The following CCDC170 variants were observed in gnomAD, a reference collection of about 807,000 sequenced individuals.
CCDC170 encodes the protein coiled-coil domain-containing protein 170.
In CCDC170, 69 loss-of-function variants were observed where a neutral mutation model predicts 72.6. The observed-to-expected ratio is 0.95, with a 90% CI of 0.78 to 1.16. The LOEUF (loss-of-function observed/expected upper bound fraction) is 1.16, where lower values mean the gene tolerates loss of function less well. Ranked by LOEUF, CCDC170 falls within the 50% of genes most tolerant of loss-of-function variation. CCDC170 has a pLI of 0.00. For synonymous variants in CCDC170, 300 were observed against 303.9 expected (o/e 0.99, Z 0.13); for missense variants, 852 against 832.5 (o/e 1.02, Z -0.29).
chr6:151,618,006 T>A lies in CCDC170; in HGVS notation c.2007T>A (p.Ala669=), dbSNP rs1562302176. The part of the protein sequence containing the change: ...QMLGLNVTSL[A]LPDYEIIKCL... ...TAGGCTTGAACGTGACCAGCCTTGC[T>A]CTTCCTGATTATGAAATCATCAAGT... The change falls in exon 11 of 11, where the codon GCT becomes GCA. Residue 669 remains alanine (A), a synonymous_variant. Coordinates refer to ENST00000239374, the MANE Select transcript of CCDC170 (RefSeq NM_025059.4). 6.2e-7 allele frequency: 1 copy of A among 1,614,166 alleles called. No individual in the cohort carries two copies. Among genetic ancestry groups the A allele is most frequent in the Admixed American group, 1.7e-5 (1 of 60,030 alleles).
chr6:151,613,473 C>T (rs1358042296), intron 9 of CCDC170, among the ~76,000 whole-genome samples: 1 of 152,180 alleles, frequency 6.6e-6, no homozygotes, highest in African/African-American at 2.4e-5. Flanking sequence ...TATCATATTT[C>T]AAAACATTTT....
At chr6:151,572,381 T>C (rs1485430189) in intron 5 of CCDC170, among the ~76,000 whole-genome samples, 1 of 152,194 alleles carries the variant, frequency 6.6e-6, no homozygotes, top group Non-Finnish European at 1.5e-5. Context: ...CAAAATAGCA[T>C]TGAGGGGGCA....
chr6:151,499,754 A>G (rs1019610823), intron 1 of CCDC170, among the ~76,000 whole-genome samples: 2 of 149,354 alleles, frequency 1.3e-5, no homozygotes, highest in Non-Finnish European at 3.0e-5. Flanking sequence ...ACGTTTCTTC[A>G]TGATGTAACA....
chr6:151,598,909 G>A (rs1183144361), intron 9 of CCDC170, among the ~76,000 whole-genome samples: 3 of 152,120 alleles, frequency 2.0e-5, no homozygotes, highest in Non-Finnish European at 4.4e-5. Context: ...TAGGATGTGC[G>A]GGTGTTCATC....
At chr6:151,570,016 T>C (rs1776196364) in intron 5 of CCDC170, among the ~76,000 whole-genome samples, 1 of 152,178 alleles carries the variant, frequency 6.6e-6, no homozygotes, top group Non-Finnish European at 1.5e-5. Context: ...AAGAAAACGT[T>C]CTTTGGATTT....
intron 7 of CCDC170, among the ~76,000 whole-genome samples, chr6:151,591,699 G>T (rs1177663666): frequency 6.6e-6 from 1 of 152,024 alleles, no homozygotes; most frequent in Non-Finnish European, 1.5e-5. Context: ...GTTTCACTGT[G>T]TTAGCCAGCA....
Position 151,593,123 on chromosome 6 carries a change from A to T in CCDC170, c.1310A>T (p.Asp437Val), listed in dbSNP as rs540832159. The T allele has an allele frequency of 8.1e-6, 13 of 1,613,964 alleles. No individual in the cohort carries two copies. The highest frequency in any genetic ancestry group is 1.7e-5 in the Admixed American group (1 of 59,990). Residue 437 changes from aspartate (D) to valine (V), a missense_variant, in exon 8 of 11, where the codon GAT becomes GTT. By Grantham distance (152) the Asp-to-Val change is radical. Transcript: ENST00000239374. ...FEKQKYLKFL[D>V]QLSQKMKLDQ... ...TGGGTTTAGTATCTTAAATTTCTGG[A>T]TCAGCTTTCTCAGAAAATGAAGTTG...
intron 7 of CCDC170, among the ~76,000 whole-genome samples, chr6:151,587,440 G>A (rs76501456): frequency 0.012 from 1,784 of 152,192 alleles, 45 homozygotes; most frequent in African/African-American, 0.041. Context: ...ACAGGATGGC[G>A]GGGAAAGTAT....
intron 5 of CCDC170, 146 bp downstream of exon 5, chr6:151,548,635 G>A (rs1782819075): frequency 3.3e-6 from 2 of 603,502 alleles, no homozygotes; most frequent in South Asian, 6.9e-5. Flanking sequence ...CTCAGCAGGA[G>A]GGTTGGGGGT....
intron 1 of CCDC170, among the ~76,000 whole-genome samples, chr6:151,530,497 A>C (rs1046828780): frequency 6.6e-6 from 1 of 151,408 alleles, no homozygotes. Flanking sequence ...GCTGGAGTGC[A>C]GTGGCGTGAT....
chr6:151,618,625 TCTC>T lies in CCDC170; in HGVS notation c.*481_*483del, dbSNP rs68158459. On this transcript the variant is annotated 3_prime_UTR_variant, in exon 11 of 11. Coordinates refer to ENST00000239374, the MANE Select transcript of CCDC170 (RefSeq NM_025059.4). ...GCCCTGCCTCAAAAGCCATACCTCT[TCTC>T]CTGCTATGCAGAATCTGTTTCTCCT... The T allele has an allele frequency of 0.056, 9,215 of 163,314 alleles. 536 individuals carry two copies. The highest frequency in any genetic ancestry group is 0.15 in the African/African-American group (6,407 of 41,614). The allele number at this position is 163,314 out of a possible 1,614,324, so 10.1% of individuals were successfully genotyped here. A position where few individuals can be genotyped will look rare whatever the true frequency, so the allele number is the denominator to read the frequency against.
At chr6:151,515,215 G>A (rs1562268191) in intron 1 of CCDC170, among the ~76,000 whole-genome samples, 1 of 152,228 alleles carries the variant, frequency 6.6e-6, no homozygotes, top group Non-Finnish European at 1.5e-5. Context: ...TTTGGACCCT[G>A]TTTTAGGCAT....
chr6:151,501,423 G>T lies in CCDC170; in HGVS notation c.57+7238G>T, dbSNP rs375894692. On this transcript the variant is annotated intron_variant, in intron 1 of 10. Coordinates refer to ENST00000239374, the MANE Select transcript of CCDC170 (RefSeq NM_025059.4). Reference sequence around the variant, plus strand: ...ATAGATTACCTTAGTTGTATAAGTCGTTATTATTAGGGGAAGCTGGCTAGA... The same window carrying T: ...ATAGATTACCTTAGTTGTATAAGTCTTTATTATTAGGGGAAGCTGGCTAGA... 3.9e-5 allele frequency among the ~76,000 whole-genome samples: 6 copies of T among 152,278 alleles called. No individual in the cohort carries two copies. In the East Asian group the frequency reaches 1.2e-3, roughly 29 times the overall value.
At chr6:151,569,404 A>C (rs1776185890) in intron 5 of CCDC170, among the ~76,000 whole-genome samples, 2 of 152,254 alleles carry the variant, frequency 1.3e-5, no homozygotes. Flanking sequence ...GTAATTTTGA[A>C]AGAATCATTT....
At chr6:151,586,137 T>C (rs1776448605) in intron 7 of CCDC170, 48 bp downstream of exon 7, 3 of 1,572,500 alleles carry the variant, frequency 1.9e-6, no homozygotes, top group Middle Eastern at 1.7e-4. Context: ...TGTTGTAGTA[T>C]AAAATTTTAC....
intron 1 of CCDC170, among the ~76,000 whole-genome samples, chr6:151,524,283 G>T (rs1333205333): frequency 6.6e-6 from 1 of 152,196 alleles, no homozygotes; most frequent in Non-Finnish European, 1.5e-5. Flanking sequence ...CAGTTCGAAA[G>T]AATTCATCTG....
intron 5 of CCDC170, among the ~76,000 whole-genome samples, chr6:151,563,528 G>A (rs796712127): frequency 1.4e-4 from 22 of 152,240 alleles, no homozygotes; most frequent in African/African-American, 5.1e-4. Flanking sequence ...TGGGTTGTGG[G>A]GTATGTTTGC....
chr6:151,587,963 G>C (rs1367365835), intron 7 of CCDC170, among the ~76,000 whole-genome samples: 1 of 152,120 alleles, frequency 6.6e-6, no homozygotes, highest in South Asian at 2.1e-4. Context: ...AGAATAGCAG[G>C]AACAAAGAAG....
rs267600860 is a variant in CCDC170, at chr6:151,596,410, G to C, written c.1543G>C (p.Glu515Gln). The C allele has an allele frequency of 6.2e-7, 1 of 1,614,040 alleles. No individual in the cohort carries two copies. Among genetic ancestry groups the C allele is most frequent in the Admixed American group, 1.7e-5 (1 of 59,998 alleles). The change falls in exon 9 of 11, where the codon GAG (glutamate) becomes CAG (glutamine). Residue 515 changes from glutamate (E) to glutamine (Q), a missense_variant. Physicochemically the swap from Glu to Gln is conservative, Grantham distance 29. Transcript: ENST00000239374. The part of the protein sequence containing the change: ...SLLRQKIAQL[E>Q]EEKQARTALV... The stretch of plus-strand genomic sequence containing the variant: ...CCTCCGGCAGAAAATAGCCCAGCTG[G>C]AGGAGGAGAAGCAGGCACGCACGGC...
Sources: allele counts gnomAD v4.1 joint callset (sites outside exome capture counted in the v4.1 genomes callset), GRCh38; gene constraint gnomAD v4.1.1; transcripts MANE v1.5; gene names NCBI Gene and HGNC (gene_info 2026-07-23, HGNC 2026-07-21).